The following PUS3 variants were observed in gnomAD, a reference collection of about 807,000 sequenced individuals.
The protein encoded by PUS3 is pseudouridine synthase 3.
In PUS3, 36 loss-of-function variants were observed where a neutral mutation model predicts 43.3. That is an observed-to-expected ratio of 0.83 (90% CI 0.64 to 1.10). The LOEUF is 1.10. Among genes scored for constraint, PUS3 ranks in the 50% least tolerant of loss-of-function variants. The probability of loss-of-function intolerance (pLI) is 0.00; values close to 1 mark genes in which losing one functional copy is unlikely to be tolerated. For synonymous variants in PUS3, 183 were observed against 199.2 expected (o/e 0.92, Z 0.69); for missense variants, 544 against 589.9 (o/e 0.92, Z 0.81).
rs771873988 is a variant in PUS3 at position 125,895,927 on chromosome 11, C to T, written c.358G>A (p.Gly120Arg). Residue 120 changes from glycine (G) to arginine (R), a missense_variant, in exon 2 of 4, where the codon GGA becomes AGA. Transcript: ENST00000227474. The stretch of plus-strand genomic sequence containing the variant: ...CTTACCTGTCCAAAGGCACTAACTC[C>T]TTTATCTGTTCTCCCACATCGGTGA... The part of the protein sequence containing the change: ...NYHRCGRTDK[G>R]VSAFGQVISL... 8 of 1,613,268 alleles carry T rather than the reference C, an allele frequency of 5.0e-6. No homozygotes were observed. Among genetic ancestry groups the T allele is most frequent in the Non-Finnish European group, 6.8e-6 (8 of 1,180,024 alleles).
chr11:125,903,095 G>A, intron 1 of PUS3, 75 bp downstream of exon 1: 1 of 710,020 alleles, frequency 1.4e-6, no homozygotes, highest in African/African-American at 1.9e-5. Flanking sequence ...ACAGACAACC[G>A]TTCAGCAGTG....
Position 125,899,566 on chromosome 11 carries a change from G to A in PUS3, c.-46-3236C>T. On this transcript the variant is annotated intron_variant, in intron 1 of 3. Transcript: ENST00000227474. ...CAGGGAAGCGACCTGCTCTTCCTGT[G>A]CAACTACAGTACCCACATGTAGAAA... 1 of 1,614,122 alleles carries A rather than the reference G, an allele frequency of 6.2e-7. No individual in the cohort carries two copies.
intron 1 of PUS3, chr11:125,900,238 G>T: frequency 6.2e-7 from 1 of 1,614,202 alleles, no homozygotes; most frequent in Non-Finnish European, 8.5e-7. Context: ...TCATACCCAG[G>T]AAGCTTCCCT....
At chr11:125,900,383 C>T in intron 1 of PUS3, 1 of 949,526 alleles carries the variant, frequency 1.1e-6, no homozygotes, top group East Asian at 2.6e-5. Context: ...ATGGTAAGGA[C>T]TTCACCTATC....
chr11:125,895,835 C>T lies in PUS3; in HGVS notation c.379-46G>A. 3 of 1,580,806 alleles carry T rather than the reference C, an allele frequency of 1.9e-6. No homozygotes were observed. In the South Asian group the frequency reaches 3.5e-5, roughly 18 times the overall value. ...ACTGGGTTTTAGAGACACAAATAAT[C>T]TCAGTACTCAGTGTGTATACCTAGA... On this transcript the variant is annotated intron_variant, in intron 2 of 3. Coordinates refer to ENST00000227474, the MANE Select transcript of PUS3 (RefSeq NM_031307.4).
intron 1 of PUS3, among the ~76,000 whole-genome samples, chr11:125,897,015 A>G (rs547966070): frequency 1.8e-4 from 28 of 152,324 alleles, no homozygotes; most frequent in Admixed American, 3.3e-4. Context: ...CTGTGCCTCT[A>G]ATAGTTTAAA....
Position 125,895,442 on chromosome 11 carries a change from T to C in PUS3, c.726A>G (p.Leu242=), listed in dbSNP as rs745818046. The C allele has an allele frequency of 4.3e-6, 7 of 1,614,106 alleles. No individual in the cohort carries two copies. The South Asian group carries it at 5.5e-5, about 13-fold the overall frequency. The change falls in exon 3 of 4, where the codon CTA becomes CTG. Residue 242 remains leucine (L), a synonymous_variant. Coordinates refer to ENST00000227474, the MANE Select transcript of PUS3 (RefSeq NM_031307.4). ...NGVINFQRTI[L]SAQVQLVGQS... ...GGCCCACTAGCTGTACTTGAGCAGA[T>C]AGAATAGTCCTCTGAAAATTAATCA...
At chr11:125,894,628 G>A (rs1316996007) in intron 3 of PUS3, among the ~76,000 whole-genome samples, 3 of 151,958 alleles carry the variant, frequency 2.0e-5, no homozygotes, top group African/African-American at 7.3e-5. Flanking sequence ...TAAAATTATT[G>A]GTATCTATCT....
At chr11:125,902,421 C>T (rs1339112294) in intron 1 of PUS3, among the ~76,000 whole-genome samples, 1 of 151,848 alleles carries the variant, frequency 6.6e-6, no homozygotes, top group East Asian at 1.9e-4. Context: ...CGAGACCAAC[C>T]TGGGCAACAC....
In PUS3 at chr11:125,895,350, G is replaced by A; in HGVS notation, c.818C>T (p.Ala273Val). The A allele has an allele frequency of 6.2e-7, 1 of 1,614,174 alleles. No individual in the cohort carries two copies. The highest frequency in any genetic ancestry group is 8.5e-7 in the Non-Finnish European group (1 of 1,180,030). Reference protein sequence around the residue: ...QLCQFEVTGQAFLYHQVRCMM... With the variant: ...QLCQFEVTGQVFLYHQVRCMM... ...ACATCGGACTTGATGATAAAGGAAT[G>A]CCTGGCCAGTCACTTCAAACTGACA... Residue 273 changes from alanine to valine, a missense_variant, in exon 3 of 4, where the codon GCA (alanine) becomes GTA (valine). Coordinates refer to ENST00000227474, the MANE Select transcript of PUS3 (RefSeq NM_031307.4).
rs187106096 is a variant in PUS3 at position 125,902,687 on chromosome 11, A to G, written c.-47+483T>C. ...CTCTTGATAAACTTTATATTAATCCAAAGGGAAGAAGAGGGAGTACTGTCC... is the reference window on the plus strand; with the variant it reads ...CTCTTGATAAACTTTATATTAATCCGAAGGGAAGAAGAGGGAGTACTGTCC... On this transcript the variant is annotated intron_variant, in intron 1 of 3. Coordinates refer to ENST00000227474, the MANE Select transcript of PUS3 (RefSeq NM_031307.4). 6.3e-3 allele frequency among the ~76,000 whole-genome samples: 957 copies of G among 152,146 alleles called. 5 individuals are homozygous for G. Among genetic ancestry groups the G allele is most frequent in the African/African-American group, 0.022 (918 of 41,462 alleles).
At position 125,895,741 on chromosome 11, in the gene PUS3, C is replaced by T. The variant is rs374516065; in HGVS notation, c.427G>A (p.Glu143Lys). The change falls in exon 3 of 4, where the codon GAG becomes AAG. Residue 143 changes from glutamate (E) to lysine (K), a missense_variant. Physicochemically the swap from Glu to Lys is moderately conservative, Grantham distance 56. Transcript: ENST00000227474. Reference sequence around the variant, plus strand: ...GCCTCCTCTTTTACATTAAAGTCCTCGGAATCCCTGCCCCTTGGAAACTGA... The same window carrying T: ...GCCTCCTCTTTTACATTAAAGTCCTTGGAATCCCTGCCCCTTGGAAACTGA... ...RSQFPRGRDS[E>K]DFNVKEEANA... 7 of 1,610,788 alleles carry T rather than the reference C, an allele frequency of 4.3e-6. No homozygotes were observed. Among genetic ancestry groups the T allele is most frequent in the African/African-American group, 2.7e-5 (2 of 74,886 alleles).
chr11:125,899,108 T>G, intron 1 of PUS3: 1 of 489,364 alleles, frequency 2.0e-6, no homozygotes, highest in African/African-American at 1.9e-5. Context: ...TTTTAGGACC[T>G]GAAGGTGGCA....
intron 1 of PUS3, chr11:125,899,481 A>T (rs537998831): frequency 1.2e-6 from 2 of 1,614,156 alleles, no homozygotes; most frequent in Admixed American, 1.7e-5. Flanking sequence ...GGTGAAGGAG[A>T]TGTCAGGAGA....
Position 125,895,704 on chromosome 11 carries a change from G to T in PUS3, c.464C>A (p.Ala155Asp), listed in dbSNP as rs762492486. Reference protein sequence around the residue: ...FNVKEEANAAAEEIRYTHILN... With the variant: ...FNVKEEANAADEEIRYTHILN... ...AATGTGGGTATAACGGATCTCTTCA[G>T]CAGCAGCATTAGCCTCCTCTTTTAC... The change falls in exon 3 of 4, where the codon GCT (alanine) becomes GAT (aspartate). Residue 155 changes from alanine to aspartate, a missense_variant. Ala to Asp is a moderately radical substitution (Grantham distance 126). Transcript: ENST00000227474. 5.0e-6 allele frequency: 8 copies of T among 1,613,884 alleles called. No homozygotes were observed. The highest frequency in any genetic ancestry group is 4.5e-5 in the East Asian group (2 of 44,898).
At chr11:125,901,353 G>A (rs139751763) in intron 1 of PUS3, among the ~76,000 whole-genome samples, 14 of 152,308 alleles carry the variant, frequency 9.2e-5, no homozygotes, top group Non-Finnish European at 2.1e-4. Flanking sequence ...TCTGGAATCA[G>A]ATGCAAACAT....
In PUS3 at chr11:125,899,714, A is replaced by T. The variant is rs776244151; in HGVS notation, c.-46-3384T>A. The T allele has an allele frequency of 6.2e-6, 10 of 1,614,130 alleles. No individual in the cohort carries two copies. The South Asian group carries it at 9.9e-5, about 16-fold the overall frequency. On this transcript the variant is annotated intron_variant, in intron 1 of 3. Transcript: ENST00000227474. The stretch of plus-strand genomic sequence containing the variant: ...ATTAGTAACAGATGAGTCGATTATC[A>T]GTGAATCAGAATCTGGTACAGAAAA...
chr11:125,896,486 A>G (rs1026116912), intron 1 of PUS3, among the ~76,000 whole-genome samples, 156 bp from the exon 2 acceptor site: 10 of 152,248 alleles, frequency 6.6e-5, no homozygotes, highest in African/African-American at 2.2e-4. Flanking sequence ...ATCCACAGAT[A>G]GCATTCTTTT....
chr11:125,896,862 C>T (rs534323616), intron 1 of PUS3, among the ~76,000 whole-genome samples: 2 of 152,070 alleles, frequency 1.3e-5, no homozygotes, highest in Admixed American at 1.3e-4. Context: ...AGAAGCTTAC[C>T]GATGGTTGTA....
Sources: gnomAD v4.1 joint callset for allele counts (sites outside exome capture counted in the v4.1 genomes callset) on GRCh38, gnomAD v4.1.1 for gene constraint, MANE v1.5 for transcripts, NCBI Gene and HGNC (gene_info 2026-07-23, HGNC 2026-07-21) for gene names.